The following BANK1 variants were observed in gnomAD, a reference collection of about 807,000 sequenced individuals.
BANK1 encodes the protein B cell scaffold protein with ankyrin repeats 1.
In BANK1, 95 loss-of-function variants were observed where a neutral mutation model predicts 94.5. The observed-to-expected ratio is 1.00, with a 90% CI of 0.85 to 1.19. The LOEUF is 1.19. BANK1 is among the 50% of genes most tolerant of loss of function. The probability of loss-of-function intolerance (pLI) is 0.00; values close to 1 mark genes in which losing one functional copy is unlikely to be tolerated. For missense variants in BANK1, 987 were observed against 932.2 expected (o/e 1.06, Z -0.77); for synonymous variants, 334 against 308.4 (o/e 1.08, Z -0.87).
At position 101,855,081 on chromosome 4, in the gene BANK1, A is replaced by C. The variant is rs1228963176; in HGVS notation, c.516A>C (p.Ala172=). The C allele has an allele frequency of 6.2e-7, 1 of 1,613,520 alleles. No individual in the cohort carries two copies. The highest frequency in any genetic ancestry group is 8.5e-7 in the Non-Finnish European group (1 of 1,179,608). Residue 172 remains alanine (A), a synonymous_variant, in exon 3 of 17, where the codon GCA becomes GCC. Coordinates refer to ENST00000322953, the MANE Select transcript of BANK1 (RefSeq NM_017935.5). ...FEVNIPTDLR[A]KHSGEISERK... is the part of the protein sequence containing the mutation. ...TCAACATTCCAACAGACCTACGAGC[A>C]AAACATTCTGGGGAAATAAGTGAGA...
At chr4:101,947,550 G>T (rs1464132421) in intron 7 of BANK1, among the ~76,000 whole-genome samples, 1 of 151,374 alleles carries the variant, frequency 6.6e-6, no homozygotes, top group Admixed American at 6.6e-5. Flanking sequence ...TCTCCAGATG[G>T]TATTATTTTA....
intron 2 of BANK1, among the ~76,000 whole-genome samples, chr4:101,854,466 A>T (rs899671504): frequency 6.6e-6 from 1 of 152,182 alleles, no homozygotes; most frequent in Middle Eastern, 3.2e-3. Flanking sequence ...AAGGAAACCC[A>T]ATTTATTTGA....
At chr4:102,056,054 C>A (rs1728218137) in intron 11 of BANK1, among the ~76,000 whole-genome samples, 2 of 152,090 alleles carry the variant, frequency 1.3e-5, no homozygotes, top group African/African-American at 4.8e-5. Flanking sequence ...ACACAAGAAT[C>A]ACTGGCAATG....
chr4:102,037,675 GTA>G (rs1387472742), intron 10 of BANK1, among the ~76,000 whole-genome samples: 3 of 152,188 alleles, frequency 2.0e-5, no homozygotes, highest in Admixed American at 1.3e-4. Flanking sequence ...TTACAGTTGT[GTA>G]ACTTTGTGAA....
chr4:101,909,351 T>G (rs1027307915), intron 6 of BANK1, among the ~76,000 whole-genome samples: 1 of 151,944 alleles, frequency 6.6e-6, no homozygotes, highest in Admixed American at 6.6e-5. Flanking sequence ...ATGAGAACAC[T>G]TGGACACAGG....
At chr4:102,015,105 G>C (rs1271369470) in intron 7 of BANK1, among the ~76,000 whole-genome samples, 1 of 151,774 alleles carries the variant, frequency 6.6e-6, no homozygotes, top group African/African-American at 2.4e-5. Context: ...TGTGGCTTTT[G>C]TTTGATTTTA....
intron 7 of BANK1, among the ~76,000 whole-genome samples, chr4:101,938,570 A>G (rs1297802070): frequency 6.6e-6 from 1 of 151,624 alleles, no homozygotes; most frequent in Non-Finnish European, 1.5e-5. Context: ...CCCCTTAAAT[A>G]TATATACCTA....
At chr4:102,051,561 G>A (rs1239764529) in intron 11 of BANK1, among the ~76,000 whole-genome samples, 1 of 152,138 alleles carries the variant, frequency 6.6e-6, no homozygotes, top group Non-Finnish European at 1.5e-5. Context: ...TTCTAAGGTT[G>A]AGAAAAGTTA....
At chr4:101,988,055 C>A (rs1394459376) in intron 7 of BANK1, among the ~76,000 whole-genome samples, 1 of 152,140 alleles carries the variant, frequency 6.6e-6, no homozygotes, top group Non-Finnish European at 1.5e-5. Context: ...ATTGAGTGAG[C>A]AAGGAATAAA....
At chr4:101,986,526 CTT>C (rs1407012753) in intron 7 of BANK1, among the ~76,000 whole-genome samples, 1 of 151,780 alleles carries the variant, frequency 6.6e-6, no homozygotes, top group Non-Finnish European at 1.5e-5. Context: ...TAATTTATCT[CTT>C]TGAATTTTTT....
At chr4:102,023,282 G>T (rs1183000401) in intron 8 of BANK1, among the ~76,000 whole-genome samples, 1 of 152,142 alleles carries the variant, frequency 6.6e-6, no homozygotes, top group African/African-American at 2.4e-5. Context: ...TCAAGTTATT[G>T]CAGGACACAA....
At chr4:101,954,138 T>G (rs1724261837) in intron 7 of BANK1, among the ~76,000 whole-genome samples, 1 of 152,184 alleles carries the variant, frequency 6.6e-6, no homozygotes, top group African/African-American at 2.4e-5. Context: ...TTTCCCTGTG[T>G]GTATCTCTGT....
At chr4:101,917,830 G>A (rs768766020) in intron 6 of BANK1, among the ~76,000 whole-genome samples, 163 bp from the exon 7 acceptor site, 6 of 151,814 alleles carry the variant, frequency 4.0e-5, no homozygotes, top group Non-Finnish European at 5.9e-5. Context: ...AGGTAATTGA[G>A]CGAGGGGAAG....
intron 7 of BANK1, among the ~76,000 whole-genome samples, chr4:102,016,740 CTTCTGGTTT>C (rs1198554819): frequency 6.6e-6 from 1 of 152,170 alleles, no homozygotes; most frequent in Non-Finnish European, 1.5e-5. Flanking sequence ...ACATATCTCC[CTTCTGGTTT>C]TTCCCTTTGC....
intron 7 of BANK1, among the ~76,000 whole-genome samples, chr4:101,954,604 A>G (rs1423059743): frequency 6.6e-6 from 1 of 152,148 alleles, no homozygotes; most frequent in Non-Finnish European, 1.5e-5. Flanking sequence ...TGGCATGCTG[A>G]CAAAAAAAAT....
At chr4:101,883,523 A>G (rs528943659) in intron 5 of BANK1, among the ~76,000 whole-genome samples, 13 of 152,180 alleles carry the variant, frequency 8.5e-5, no homozygotes, top group Non-Finnish European at 1.6e-4. Context: ...CTTATCACTC[A>G]GTGGCAATGA....
rs550032220 is a variant in BANK1 at position 102,047,671 on chromosome 4, A to G, written c.1969+3764A>G. Reference sequence around the variant, plus strand: ...GAAGTGTTTTTCTTATAAATTATTCAATTACCATGTTTTTAATTAAATTAT... The same window carrying G: ...GAAGTGTTTTTCTTATAAATTATTCGATTACCATGTTTTTAATTAAATTAT... On this transcript the variant is annotated intron_variant, in intron 11 of 16. Transcript: ENST00000322953. Among the ~76,000 whole-genome samples the G allele has an allele frequency of 7.2e-5, 11 of 152,262 alleles. No homozygotes were observed. The South Asian group carries it at 2.1e-3, about 29-fold the overall frequency.
chr4:101,908,213 G>A (rs539674085), intron 6 of BANK1, among the ~76,000 whole-genome samples: 5 of 152,246 alleles, frequency 3.3e-5, no homozygotes, highest in African/African-American at 1.2e-4. Flanking sequence ...CAGAGATATA[G>A]ACCAATGGAA....
In BANK1 at chr4:101,918,141, T is replaced by G; in HGVS notation, c.1158T>G (p.Ala386=). The change falls in exon 7 of 17, where the codon GCT becomes GCG. Residue 386 remains alanine, a synonymous_variant. Coordinates refer to ENST00000322953, the MANE Select transcript of BANK1 (RefSeq NM_017935.5). The part of the protein sequence containing the change: ...NMEGSDPAHI[A]ERHGHKELKK... ...AGGGTTCAGACCCCGCACATATTGC[T>G]GAAAGGCATGGTCACAAAGAACTCA... 6.2e-7 allele frequency: 1 copy of G among 1,600,706 alleles called. No individual in the cohort carries two copies. Among genetic ancestry groups the G allele is most frequent in the Middle Eastern group, 1.7e-4 (1 of 6,006 alleles).
Sources: allele counts gnomAD v4.1 joint callset (sites outside exome capture counted in the v4.1 genomes callset), GRCh38; gene constraint gnomAD v4.1.1; transcripts MANE v1.5; gene names NCBI Gene and HGNC (gene_info 2026-07-23, HGNC 2026-07-21).